ADAMTS3: variants seen among roughly 807,000 people sequenced by gnomAD.
ADAMTS3 encodes the protein A disintegrin and metalloproteinase with thrombospondin motifs 3.
A neutral mutation model predicts 129.0 loss-of-function variants in ADAMTS3; 73 were observed. The observed-to-expected ratio is 0.57, with a 90% confidence interval of 0.47 to 0.69. The LOEUF is 0.69. Ranked by LOEUF, ADAMTS3 falls within the 30% of genes least tolerant of loss-of-function variation. The pLI is 0.00. For missense variants in ADAMTS3, 1,457 were observed against 1,514.5 expected (o/e 0.96, Z 0.63); for synonymous variants, 477 against 510.8 (o/e 0.93, Z 0.89).
intron 4 of ADAMTS3, among the ~76,000 whole-genome samples, chr4:72,381,939 T>C (rs1439551207): frequency 6.6e-6 from 1 of 152,174 alleles, no homozygotes; most frequent in African/African-American, 2.4e-5. Context: ...ATGTATACCA[T>C]AGGAATGCTC....
chr4:72,395,698 G>C (rs906994488), intron 4 of ADAMTS3, among the ~76,000 whole-genome samples: 1 of 151,992 alleles, frequency 6.6e-6, no homozygotes, highest in Non-Finnish European at 1.5e-5. Flanking sequence ...TGGAGTATGG[G>C]GAAAAAGAAT....
chr4:72,432,106 C>T (rs911930285), intron 3 of ADAMTS3, among the ~76,000 whole-genome samples: 8 of 151,914 alleles, frequency 5.3e-5, no homozygotes, highest in African/African-American at 1.4e-4. Flanking sequence ...GCTGCTGGCA[C>T]TCACCAATGC....
At chr4:72,514,397 G>A (rs1441439506) in intron 3 of ADAMTS3, among the ~76,000 whole-genome samples, 1 of 152,138 alleles carries the variant, frequency 6.6e-6, no homozygotes, top group Non-Finnish European at 1.5e-5. Flanking sequence ...TATTGAGGGT[G>A]GGAGTATTAT....
At chr4:72,504,386 G>T (rs12642305) in intron 3 of ADAMTS3, among the ~76,000 whole-genome samples, 2,964 of 152,206 alleles carry the variant, frequency 0.019, 138 homozygotes, top group East Asian at 0.19. Flanking sequence ...TAAGAAGGCC[G>T]AAAATAGGCC....
chr4:72,397,562 TAC>T (rs35076637), intron 4 of ADAMTS3, among the ~76,000 whole-genome samples: 124,554 of 147,484 alleles, frequency 0.84, 53,843 homozygotes, highest in East Asian at 0.96. Context: ...GAGACTCTAT[TAC>T]ACACACACAC....
At chr4:72,549,567 C>T (rs72854305) in intron 2 of ADAMTS3, among the ~76,000 whole-genome samples, 2,459 of 152,132 alleles carry the variant, frequency 0.016, 79 homozygotes, top group African/African-American at 0.056. Context: ...CCATGCTTTC[C>T]TCCATAAACC....
intron 4 of ADAMTS3, among the ~76,000 whole-genome samples, chr4:72,346,759 T>C (rs1200540002): frequency 2.0e-5 from 3 of 152,128 alleles, no homozygotes; most frequent in African/African-American, 4.8e-5. Flanking sequence ...ATGAAAATGC[T>C]ATAGTTTTAT....
intron 3 of ADAMTS3, among the ~76,000 whole-genome samples, chr4:72,488,780 T>C (rs1253641488): frequency 1.3e-5 from 2 of 151,898 alleles, no homozygotes; most frequent in Admixed American, 6.6e-5. Context: ...ATATTTTTTC[T>C]TTATTTTCGT....
At chr4:72,297,204 C>T (rs1474795320) in intron 18 of ADAMTS3, among the ~76,000 whole-genome samples, 4 of 151,928 alleles carry the variant, frequency 2.6e-5, no homozygotes, top group African/African-American at 7.3e-5. Flanking sequence ...TTGCAATAAT[C>T]GTCCCTCCCA....
intron 3 of ADAMTS3, among the ~76,000 whole-genome samples, chr4:72,526,534 CTAA>C (rs1449925666): frequency 6.9e-6 from 1 of 144,758 alleles, no homozygotes; most frequent in Non-Finnish European, 1.5e-5. Context: ...AAACAGTCTA[CTAA>C]TTAGTAATTA....
intron 3 of ADAMTS3, among the ~76,000 whole-genome samples, chr4:72,471,115 T>C (rs893844588): frequency 1.3e-5 from 2 of 152,058 alleles, no homozygotes. Context: ...TTGGCAAACA[T>C]CTTCTTGAAA....
At chr4:72,332,121 A>G (rs1361478646) in intron 5 of ADAMTS3, among the ~76,000 whole-genome samples, 4 of 152,242 alleles carry the variant, frequency 2.6e-5, no homozygotes, top group Non-Finnish European at 5.9e-5. Context: ...AACGGATTAT[A>G]GATAATGACT....
At chr4:72,353,270 G>T (rs1720490654) in intron 4 of ADAMTS3, among the ~76,000 whole-genome samples, 1 of 151,960 alleles carries the variant, frequency 6.6e-6, no homozygotes, top group South Asian at 2.1e-4. Context: ...TCCTTGTGGG[G>T]TGCACTCCTG....
chr4:72,515,987 T>C (rs549172214), intron 3 of ADAMTS3, among the ~76,000 whole-genome samples: 24 of 152,358 alleles, frequency 1.6e-4, no homozygotes, highest in African/African-American at 5.3e-4. Flanking sequence ...ATGTAAATCT[T>C]TAATCCATCT....
At chr4:72,554,482 C>T (rs914816257) in intron 2 of ADAMTS3, among the ~76,000 whole-genome samples, 1 of 152,148 alleles carries the variant, frequency 6.6e-6, no homozygotes, top group Non-Finnish European at 1.5e-5. Context: ...ACTCTCTCTT[C>T]ATCCTTAATA....
chr4:72,483,246 T>A (rs1204408329), intron 3 of ADAMTS3, among the ~76,000 whole-genome samples: 1 of 152,194 alleles, frequency 6.6e-6, no homozygotes, highest in Non-Finnish European at 1.5e-5. Context: ...TAGAAAATTA[T>A]GAGAGCTACC....
intron 4 of ADAMTS3, among the ~76,000 whole-genome samples, chr4:72,355,490 A>G (rs188868618): frequency 2.6e-4 from 39 of 152,150 alleles, no homozygotes; most frequent in East Asian, 2.3e-3. Flanking sequence ...TCTTATCACA[A>G]TGCTCATATT....
chr4:72,557,274 A>T (rs1478369820), intron 2 of ADAMTS3, among the ~76,000 whole-genome samples: 1 of 151,870 alleles, frequency 6.6e-6, no homozygotes, highest in Non-Finnish European at 1.5e-5. Context: ...GCTCCAGGAA[A>T]GATGCAAGCA....
At chr4:72,542,911 C>T (rs1354577653) in intron 3 of ADAMTS3, among the ~76,000 whole-genome samples, 1 of 152,102 alleles carries the variant, frequency 6.6e-6, no homozygotes, top group East Asian at 1.9e-4. Flanking sequence ...TCTTTCTTTT[C>T]TTCTTCTGCT....
Sources: gnomAD v4.1 joint callset for allele counts (sites outside exome capture counted in the v4.1 genomes callset) on GRCh38, gnomAD v4.1.1 for gene constraint, MANE v1.5 for transcripts, NCBI Gene and HGNC (gene_info 2026-07-23, HGNC 2026-07-21) for gene names.